Variants in MGAT5B observed in about 807,000 individuals in gnomAD.
MGAT5B encodes the protein N-acetylglucosaminyl-transferase Vb.
MGAT5B carries 54 observed loss-of-function variants against 95.1 expected under a neutral mutation model. That is an observed-to-expected ratio of 0.57 (90% CI 0.46 to 0.71). MGAT5B has a LOEUF of 0.71. Among genes scored for constraint, MGAT5B ranks in the 30% least tolerant of loss-of-function variants. The pLI is 0.00. For synonymous variants in MGAT5B, 464 were observed against 451.0 expected (o/e 1.03, Z -0.36); for missense variants, 935 against 1,088.6 (o/e 0.86, Z 1.99).
intron 12 of MGAT5B, among the ~76,000 whole-genome samples, chr17:76,937,504 CA>C (rs1418843747): frequency 6.6e-6 from 1 of 150,590 alleles, no homozygotes; most frequent in Non-Finnish European, 1.5e-5. Context: ...GGCAGGTGGA[CA>C]AATGGATGGA....
At chr17:76,874,797 G>A (rs535979724) in intron 2 of MGAT5B, among the ~76,000 whole-genome samples, 35 of 152,248 alleles carry the variant, frequency 2.3e-4, no homozygotes, top group East Asian at 1.2e-3. Context: ...GCTGTGCTCG[G>A]TGCTATGCAG....
At position 76,879,664 on chromosome 17, in the gene MGAT5B, T is replaced by C. The variant is rs1171226847; in HGVS notation, c.182-2487T>C. On this transcript the variant is annotated intron_variant, in intron 2 of 17. Transcript: ENST00000569840. ...CAGGTCATCTGATGTCCTCCAGTTT[T>C]TTTAGCTGAAATGATGGAAATCTCT... is the stretch of plus-strand genomic sequence containing the variant. 2.0e-5 allele frequency among the ~76,000 whole-genome samples: 3 copies of C among 152,324 alleles called. No homozygotes were observed. The East Asian group carries it at 5.8e-4, about 29-fold the overall frequency.
At position 76,940,640 on chromosome 17, in the gene MGAT5B, A is replaced by C. The variant is rs1969835021; in HGVS notation, c.1731+92A>C. On this transcript the variant is annotated intron_variant, in intron 14 of 17. Coordinates refer to ENST00000569840, the MANE Select transcript of MGAT5B (RefSeq NM_001199172.2). This position sits in a 1 kb window ranked among gnomAD's most constrained non-coding sequence, Gnocchi z 4.3. ...AGAGGCAGACTGAGATGTGGGGCAA[A>C]AGGAGATAGGACAAGTGTATGGGGT... The C allele has an allele frequency of 6.3e-7, 1 of 1,586,820 alleles. No individual in the cohort carries two copies. Among genetic ancestry groups the C allele is most frequent in the South Asian group, 1.1e-5 (1 of 87,578 alleles).
chr17:76,893,850 G>A (rs146271898), intron 3 of MGAT5B, among the ~76,000 whole-genome samples: 85 of 152,258 alleles, frequency 5.6e-4, no homozygotes, highest in African/African-American at 1.8e-3. Flanking sequence ...CCTTTTGCTC[G>A]GTCTTGGCCT....
rs1598924751 is a variant in MGAT5B, at chr17:76,898,392, G to A, written c.330-4163G>A. On this transcript the variant is annotated intron_variant, in intron 3 of 17. Coordinates refer to ENST00000569840, the MANE Select transcript of MGAT5B (RefSeq NM_001199172.2). Reference sequence around the variant, plus strand: ...TCACCAGGCTGGAGTGCAGTGACGCGATCTCGGCTCACTGCAACCTCTGCC... The same window carrying A: ...TCACCAGGCTGGAGTGCAGTGACGCAATCTCGGCTCACTGCAACCTCTGCC... Among the ~76,000 whole-genome samples the A allele has an allele frequency of 2.0e-5, 3 of 146,584 alleles. No homozygotes were observed. In the Admixed American group the frequency reaches 2.1e-4, roughly 10 times the overall value.
Position 76,932,695 on chromosome 17 carries a change from G to A in MGAT5B, c.1342G>A (p.Glu448Lys). Residue 448 changes from glutamate (E) to lysine (K), a missense_variant, in exon 11 of 18, where the codon GAG becomes AAG. By Grantham distance (56) the Glu-to-Lys change is moderately conservative. Around this residue, in one of 4 missense-constraint regions of MGAT5B, gnomAD observed 440 missense variants for 523.6 expected, o/e 0.84. Transcript: ENST00000569840. ...FMGFVSEELNETEKRLIKGGK... is the reference protein window; with the variant it reads ...FMGFVSEELNKTEKRLIKGGK... Reference sequence around the variant, plus strand: ...GGGCTTCGTGTCCGAGGAGCTCAACGAGACGGAGAAGCGGCTCATCAAAGG... The same window carrying A: ...GGGCTTCGTGTCCGAGGAGCTCAACAAGACGGAGAAGCGGCTCATCAAAGG... The A allele has an allele frequency of 3.1e-6, 5 of 1,614,048 alleles. No individual in the cohort carries two copies. Among genetic ancestry groups the A allele is most frequent in the Non-Finnish European group, 4.2e-6 (5 of 1,179,964 alleles).
At chr17:76,884,264 C>G (rs1302815991) in intron 3 of MGAT5B, among the ~76,000 whole-genome samples, 6 of 152,206 alleles carry the variant, frequency 3.9e-5, no homozygotes, top group Non-Finnish European at 8.8e-5. Context: ...CAGAGAAGTT[C>G]AGAAACTCAC....
chr17:76,936,509 A>G (rs1451200038), intron 12 of MGAT5B, among the ~76,000 whole-genome samples: 1 of 152,228 alleles, frequency 6.6e-6, no homozygotes, highest in African/African-American at 2.4e-5. Context: ...TGTTGTATTT[A>G]AGAAATCTTT....
At chr17:76,882,723 T>G (rs1967477350) in intron 3 of MGAT5B, among the ~76,000 whole-genome samples, 1 of 148,474 alleles carries the variant, frequency 6.7e-6, no homozygotes, top group Non-Finnish European at 1.5e-5. Flanking sequence ...TTTTTTTTTT[T>G]TTTTTGACAC....
At position 76,906,054 on chromosome 17, in the gene MGAT5B, G is replaced by A. The variant is rs778618499; in HGVS notation, c.892G>A (p.Gly298Arg). ...VHIGFLTEES[G>R]DVFSPRVLKG... ...CATCGGCTTCCTGACGGAGGAGTCC[G>A]GGGACGTGTTCAGCCCTCGGGTCCT... Residue 298 changes from glycine (G) to arginine (R), a missense_variant, in exon 8 of 18, where the codon GGG becomes AGG. By Grantham distance (125) the Gly-to-Arg change is moderately radical. Transcript: ENST00000569840. This position sits in a 1 kb window ranked among gnomAD's most constrained non-coding sequence, Gnocchi z 4.6. 12 of 1,608,700 alleles carry A rather than the reference G, an allele frequency of 7.5e-6. No homozygotes were observed. The highest frequency in any genetic ancestry group is 2.3e-5 in the East Asian group (1 of 43,974).
In MGAT5B at chr17:76,938,156, C is replaced by G. The variant is rs1246725372; in HGVS notation, c.1584+13C>G. On this transcript the variant is annotated intron_variant, in intron 13 of 17. Transcript: ENST00000569840. The surrounding 1 kb of genome is among the most constrained non-coding windows in gnomAD (Gnocchi z 4.3). ...GCGCAAGGCCAAAGTGAGCTCCCAT[C>G]CCCCGCACCATTCTCACACTTGCCG... 1.2e-6 allele frequency: 2 copies of G among 1,612,438 alleles called. No homozygotes were observed. The highest frequency in any genetic ancestry group is 2.2e-5 in the South Asian group (2 of 91,032).
intron 3 of MGAT5B, among the ~76,000 whole-genome samples, chr17:76,887,984 A>G (rs1176264902): frequency 6.6e-6 from 1 of 151,832 alleles, no homozygotes; most frequent in African/African-American, 2.4e-5. Flanking sequence ...GCCTGGCCCC[A>G]TGTCCCTCTG....
In MGAT5B at chr17:76,905,132, G is replaced by A; in HGVS notation, c.691-37G>A. Reference sequence around the variant, plus strand: ...CAGCGGGGAATGATGGTGGCCGCAGGTTGAGGGGCAGAGAGCTGAGGTCTG... The same window carrying A: ...CAGCGGGGAATGATGGTGGCCGCAGATTGAGGGGCAGAGAGCTGAGGTCTG... On this transcript the variant is annotated intron_variant, in intron 6 of 17. Coordinates refer to ENST00000569840, the MANE Select transcript of MGAT5B (RefSeq NM_001199172.2). The surrounding 1 kb of genome is among the most constrained non-coding windows in gnomAD (Gnocchi z 4.2). 6.4e-7 allele frequency: 1 copy of A among 1,573,584 alleles called. No individual in the cohort carries two copies. The highest frequency in any genetic ancestry group is 1.2e-5 in the South Asian group (1 of 86,664).
intron 3 of MGAT5B, among the ~76,000 whole-genome samples, chr17:76,892,748 A>G (rs968186460): frequency 1.3e-5 from 2 of 152,220 alleles, no homozygotes; most frequent in Non-Finnish European, 2.9e-5. Flanking sequence ...CAGCAACGAT[A>G]TGGGACAACA....
chr17:76,927,023 G>T (rs563435373), intron 10 of MGAT5B, among the ~76,000 whole-genome samples: 1 of 152,338 alleles, frequency 6.6e-6, no homozygotes, highest in East Asian at 1.9e-4. Context: ...TGGGCACACA[G>T]TTCCAGAACA....
At position 76,948,754 on chromosome 17, in the gene MGAT5B, C is replaced by T. The variant is rs112517312; in HGVS notation, c.2295C>T (p.Ala765=). 175 of 1,611,274 alleles carry T rather than the reference C, an allele frequency of 1.1e-4. No homozygotes were observed. Among genetic ancestry groups the T allele is most frequent in the Admixed American group, 1.5e-4 (9 of 59,714 alleles). ...AGGAGCCTCTGCTCTTCAGCTGCGC[C>T]GGCTCCAACACCAAGTACCGCCGGC... The part of the protein sequence containing the change: ...LQKEPLLFSC[A]GSNTKYRRLC... Residue 765 remains alanine, a synonymous_variant, in exon 18 of 18, where the codon GCC becomes GCT. Transcript: ENST00000569840.
intron 2 of MGAT5B, among the ~76,000 whole-genome samples, chr17:76,880,609 C>A (rs1001864788): frequency 6.6e-6 from 1 of 152,182 alleles, no homozygotes; most frequent in Non-Finnish European, 1.5e-5. Context: ...GGTCTGCAGA[C>A]GGGGCCTGTT....
rs1568157909 is a variant in MGAT5B, at chr17:76,869,799, C to G, written c.68+702C>G. Among the ~76,000 whole-genome samples the G allele has an allele frequency of 1.3e-5, 2 of 152,126 alleles. No individual in the cohort carries two copies. The highest frequency in any genetic ancestry group is 1.3e-4 in the Admixed American group (2 of 15,284). Reference sequence around the variant, plus strand: ...GGGCGGTGGCGAAGGCGACACGCTTCGGGCGGCCAACACCTGGGGGCCCAG... The same window carrying G: ...GGGCGGTGGCGAAGGCGACACGCTTGGGGCGGCCAACACCTGGGGGCCCAG... On this transcript the variant is annotated intron_variant, in intron 1 of 17. Coordinates refer to ENST00000569840, the MANE Select transcript of MGAT5B (RefSeq NM_001199172.2). The surrounding 1 kb of genome is among the most constrained non-coding windows in gnomAD (Gnocchi z 7.0).
chr17:76,946,851 T>A (rs1006766708), intron 16 of MGAT5B, among the ~76,000 whole-genome samples: 1 of 152,192 alleles, frequency 6.6e-6, no homozygotes, highest in African/African-American at 2.4e-5. Context: ...GAATGGGAGA[T>A]TAGGATCTCT....
Sources: allele counts gnomAD v4.1 joint callset (sites outside exome capture counted in the v4.1 genomes callset), GRCh38; gene constraint gnomAD v4.1.1; regional missense constraint gnomAD v4.1.1; non-coding constraint Gnocchi (gnomAD v3.1); transcripts MANE v1.5; gene names NCBI Gene and HGNC (gene_info 2026-07-23, HGNC 2026-07-21).